Variants in DPP10 observed in about 807,000 individuals in gnomAD.
DPP10 encodes inactive dipeptidyl peptidase 10.
Under a neutral mutation model 120.9 loss-of-function variants are expected in DPP10, and 33 were observed. That is an observed-to-expected ratio of 0.27 (90% CI 0.21 to 0.37). DPP10 has a LOEUF of 0.37. Among genes scored for constraint, DPP10 ranks in the 10% least tolerant of loss-of-function variants. DPP10 has a pLI of 1.00. For missense variants in DPP10, 816 were observed against 942.8 expected (o/e 0.87, Z 1.76); for synonymous variants, 337 against 326.1 (o/e 1.03, Z -0.36).
At chr2:114,454,851 G>T (rs752844868) in intron 1 of DPP10, among the ~76,000 whole-genome samples, 12 of 151,786 alleles carry the variant, frequency 7.9e-5, no homozygotes, top group Non-Finnish European at 1.5e-4. Context: ...ACTATATATT[G>T]AATCCACCGC....
intron 10 of DPP10, among the ~76,000 whole-genome samples, chr2:115,747,594 C>CTTT (rs3980905): frequency 0.42 from 59,845 of 141,004 alleles, 15,187 homozygotes; most frequent in East Asian, 0.66. Context: ...ATCCCCTTGT[C>CTTT]TTTTTTTTTT....
intron 1 of DPP10, among the ~76,000 whole-genome samples, chr2:115,170,704 G>A (rs1290884223): frequency 6.6e-6 from 1 of 151,924 alleles, no homozygotes; most frequent in South Asian, 2.1e-4. Flanking sequence ...CTTTTTTTCT[G>A]ATCTTAGGAA....
chr2:115,734,733 C>T (rs147166565), intron 8 of DPP10, among the ~76,000 whole-genome samples: 1 of 149,364 alleles, frequency 6.7e-6, no homozygotes, highest in African/African-American at 2.5e-5. Context: ...TATATACACA[C>T]ACACGTATAT....
intron 1 of DPP10, among the ~76,000 whole-genome samples, chr2:114,701,209 C>T (rs1700366823): frequency 6.6e-6 from 1 of 152,060 alleles, no homozygotes; most frequent in Admixed American, 6.6e-5. Flanking sequence ...TTGTGGAGTG[C>T]TTTCTATATG....
intron 5 of DPP10, among the ~76,000 whole-genome samples, chr2:115,535,981 TG>T (rs1346290963): frequency 1.3e-5 from 2 of 152,210 alleles, no homozygotes. Flanking sequence ...GAGACTTTGC[TG>T]AAGTTGCTTA....
At chr2:114,511,593 T>C (rs1684151973) in intron 1 of DPP10, among the ~76,000 whole-genome samples, 1 of 152,180 alleles carries the variant, frequency 6.6e-6, no homozygotes, top group Non-Finnish European at 1.5e-5. Context: ...AAAACCACCT[T>C]AGAGTTACAC....
intron 1 of DPP10, among the ~76,000 whole-genome samples, chr2:115,074,342 G>T (rs1269222026): frequency 6.6e-6 from 1 of 152,020 alleles, no homozygotes; most frequent in Non-Finnish European, 1.5e-5. Context: ...ATAGCAAAAT[G>T]TTTTTGTCTT....
intron 1 of DPP10, among the ~76,000 whole-genome samples, chr2:115,243,596 C>A (rs143096927): frequency 6.6e-6 from 1 of 151,896 alleles, no homozygotes; most frequent in African/African-American, 2.4e-5. Context: ...GAAAATCTCA[C>A]CATGATCTTT....
chr2:115,779,024 A>G (rs1682448024), intron 15 of DPP10, among the ~76,000 whole-genome samples: 2 of 152,098 alleles, frequency 1.3e-5, no homozygotes, highest in South Asian at 2.1e-4. Context: ...CATAAACTGT[A>G]GCTTAGAGAG....
At chr2:115,718,484 T>G (rs1203152742) in intron 7 of DPP10, among the ~76,000 whole-genome samples, 3 of 152,192 alleles carry the variant, frequency 2.0e-5, no homozygotes, top group Non-Finnish European at 4.4e-5. Context: ...ATTGACTATC[T>G]CTACATTTCT....
At chr2:114,779,626 G>A (rs943923881) in intron 1 of DPP10, among the ~76,000 whole-genome samples, 1 of 152,038 alleles carries the variant, frequency 6.6e-6, no homozygotes, top group Non-Finnish European at 1.5e-5. Context: ...CATCCCATTT[G>A]ATTGCATGGT....
intron 1 of DPP10, among the ~76,000 whole-genome samples, chr2:114,811,377 GCA>G (rs1457440032): frequency 3.3e-5 from 5 of 152,040 alleles, no homozygotes; most frequent in East Asian, 3.9e-4. Flanking sequence ...CCCCATCTCT[GCA>G]CACAGTTTTT....
chr2:115,356,015 T>C (rs887629028), intron 3 of DPP10, among the ~76,000 whole-genome samples: 3 of 150,922 alleles, frequency 2.0e-5, no homozygotes, highest in Non-Finnish European at 1.5e-5. Flanking sequence ...GTTCTTTTTG[T>C]TTAGGATTGT....
intron 3 of DPP10, among the ~76,000 whole-genome samples, chr2:115,445,323 A>T (rs1366387866): frequency 6.6e-6 from 1 of 152,208 alleles, no homozygotes; most frequent in Non-Finnish European, 1.5e-5. Context: ...TGTGGAAGCA[A>T]CTTTGGAACT....
chr2:115,388,766 G>A (rs968902808), intron 3 of DPP10, among the ~76,000 whole-genome samples: 1 of 152,110 alleles, frequency 6.6e-6, no homozygotes, highest in African/African-American at 2.4e-5. Context: ...AGTGCATTCT[G>A]GAGAGGAAGT....
chr2:114,945,617 C>T (rs1008335715), intron 1 of DPP10, among the ~76,000 whole-genome samples: 4 of 152,076 alleles, frequency 2.6e-5, no homozygotes, highest in East Asian at 3.9e-4. Flanking sequence ...GAGTTAGAGA[C>T]CAGCCTGGCC....
Position 114,846,195 on chromosome 2 carries a change from A to G in DPP10, c.60+403357A>G, listed in dbSNP as rs552546818. Among the ~76,000 whole-genome samples, 3 of 152,286 alleles carry G rather than the reference A, an allele frequency of 2.0e-5. No individual in the cohort carries two copies. The South Asian group carries it at 6.2e-4, about 32-fold the overall frequency. ...TATGTTGAAAAAAAACTGTTATAGT[A>G]TATGTGTACCTTGCATGGAAGCTAA... is the stretch of plus-strand genomic sequence containing the variant. On this transcript the variant is annotated intron_variant, in intron 1 of 25. Coordinates refer to ENST00000410059, the MANE Select transcript of DPP10 (RefSeq NM_020868.6).
At chr2:115,154,953 G>T (rs966342932) in intron 1 of DPP10, among the ~76,000 whole-genome samples, 1 of 150,388 alleles carries the variant, frequency 6.6e-6, no homozygotes, top group Non-Finnish European at 1.5e-5. Flanking sequence ...GTGCAGTGGC[G>T]CCATCTTGGC....
chr2:114,547,093 G>A (rs1352049188), intron 1 of DPP10, among the ~76,000 whole-genome samples: 1 of 152,250 alleles, frequency 6.6e-6, no homozygotes, highest in Non-Finnish European at 1.5e-5. Flanking sequence ...GTGTGCGGTA[G>A]CACAAGGCCC....
Sources: allele counts gnomAD v4.1 joint callset (sites outside exome capture counted in the v4.1 genomes callset), GRCh38; gene constraint gnomAD v4.1.1; transcripts MANE v1.5; gene names NCBI Gene and HGNC (gene_info 2026-07-23, HGNC 2026-07-21).